Variants in OCIAD1 observed in about 807,000 individuals in gnomAD.
OCIAD1 encodes the protein OCIA domain containing 1.
A neutral mutation model predicts 38.9 loss-of-function variants in OCIAD1; 29 were observed. That is an observed-to-expected ratio of 0.74 (90% CI 0.55 to 1.02). The LOEUF (loss-of-function observed/expected upper bound fraction) is 1.02. OCIAD1 is among the 50% of genes least tolerant of loss of function. The pLI is 0.00. For missense variants in OCIAD1, 288 were observed against 289.6 expected, an observed-to-expected ratio of 0.99 and a Z score of 0.04; for synonymous variants, 110 against 92.0, an observed-to-expected ratio of 1.20 and a Z score of -1.12.
intron 3 of OCIAD1, among the ~76,000 whole-genome samples, chr4:48,841,066 T>G (rs1358627992): frequency 1.3e-5 from 2 of 152,150 alleles, no homozygotes; most frequent in African/African-American, 4.8e-5. Context: ...AAAGAATATT[T>G]CATTACGTGT....
At chr4:48,819,444 A>C (rs1040303588) in intron 1 of OCIAD1, among the ~76,000 whole-genome samples, 37 of 152,296 alleles carry the variant, frequency 2.4e-4, no homozygotes, top group African/African-American at 8.9e-4. Flanking sequence ...CTGCAAAAAC[A>C]ACCCAAAATA....
chr4:48,808,488 G>GA (rs942641464), intron 1 of OCIAD1, among the ~76,000 whole-genome samples: 74 of 146,648 alleles, frequency 5.0e-4, no homozygotes, highest in Non-Finnish European at 3.5e-4. Flanking sequence ...AAAAAACAAA[G>GA]AAAAAAAAAA....
chr4:48,835,071 C>G (rs537964587), intron 3 of OCIAD1, among the ~76,000 whole-genome samples: 6 of 152,072 alleles, frequency 3.9e-5, no homozygotes, highest in East Asian at 3.9e-4. Flanking sequence ...GTATCTGGGA[C>G]TACAGGCGTG....
At position 48,851,809 on chromosome 4, in the gene OCIAD1, C is replaced by G. The variant is rs1779502609; in HGVS notation, c.381C>G (p.His127Gln). ...GQARRSSPPG[H>Q]YYQKSKYDSS... ...ACAATATGATTTTCATTTACAGGCA[C>G]TATTATCAAAAGTCAAAATATGACT... is the stretch of plus-strand genomic sequence containing the variant. Residue 127 changes from histidine (H) to glutamine (Q), a missense_variant, in exon 7 of 9, where the codon CAC becomes CAG. Transcript: ENST00000264312. The G allele has an allele frequency of 5.7e-6, 9 of 1,589,624 alleles. No homozygotes were observed. Among genetic ancestry groups the G allele is most frequent in the Non-Finnish European group, 6.9e-6 (8 of 1,158,722 alleles).
chr4:48,810,066 A>G (rs559879334), intron 1 of OCIAD1, among the ~76,000 whole-genome samples: 62 of 152,296 alleles, frequency 4.1e-4, no homozygotes, highest in African/African-American at 1.4e-3. Flanking sequence ...AACTAAATGA[A>G]ATGATACATG....
chr4:48,834,159 A>AT (rs1038048613), intron 3 of OCIAD1, among the ~76,000 whole-genome samples: 3 of 151,416 alleles, frequency 2.0e-5, no homozygotes, highest in African/African-American at 7.3e-5. Context: ...AGGAGGATGA[A>AT]TTTTTTTTTG....
At chr4:48,807,928 C>T (rs13149083) in intron 1 of OCIAD1, among the ~76,000 whole-genome samples, 74,738 of 151,950 alleles carry the variant, frequency 0.49, 18,882 homozygotes, top group African/African-American at 0.59. Context: ...AGCCCCAGAT[C>T]GGCACTGTCA....
intron 1 of OCIAD1, 136 bp from the exon 2 acceptor site, chr4:48,832,484 A>C (rs1777595418): frequency 1.4e-6 from 1 of 695,194 alleles, no homozygotes; most frequent in Non-Finnish European, 2.6e-6. Context: ...AGTACGTAAG[A>C]TATAGTAGTG....
chr4:48,854,079 C>T (rs1055374744), intron 7 of OCIAD1, among the ~76,000 whole-genome samples: 2 of 152,196 alleles, frequency 1.3e-5, no homozygotes, highest in Non-Finnish European at 2.9e-5. Flanking sequence ...CCTTGTTCCT[C>T]ACTATGTCTC....
At chr4:48,821,571 A>C in intron 1 of OCIAD1, among the ~76,000 whole-genome samples, 1 of 152,328 alleles carries the variant, frequency 6.6e-6, no homozygotes, top group African/African-American at 2.4e-5. Flanking sequence ...GAAAGAAATA[A>C]ACGTATTTAA....
intron 1 of OCIAD1, among the ~76,000 whole-genome samples, chr4:48,810,717 C>T (rs1015165094): frequency 2.0e-5 from 3 of 151,754 alleles, no homozygotes; most frequent in Non-Finnish European, 4.4e-5. Flanking sequence ...TGGTGCTTAC[C>T]TAGAGAGAGA....
At chr4:48,819,716 CAAA>C (rs576081813) in intron 1 of OCIAD1, among the ~76,000 whole-genome samples, 139 of 10,390 alleles carry the variant, frequency 0.013, 1 homozygote, top group African/African-American at 0.047. Flanking sequence ...TTACCAAGCG[CAAA>C]AAAAAAAAAA....
chr4:48,831,011 T>A (rs1777427915), upstream of OCIAD1: 1 of 178,602 alleles, frequency 5.6e-6, no homozygotes, highest in African/African-American at 2.4e-5. Context: ...CCTAGGCTGC[T>A]GGCTCTCAGA....
chr4:48,812,592 C>T (rs928855557), intron 1 of OCIAD1, among the ~76,000 whole-genome samples: 7 of 151,938 alleles, frequency 4.6e-5, no homozygotes, highest in South Asian at 2.1e-4. Flanking sequence ...TAGAATAGGT[C>T]GCATAATACA....
At chr4:48,816,204 C>A (rs1352804883) in intron 1 of OCIAD1, among the ~76,000 whole-genome samples, 2 of 152,190 alleles carry the variant, frequency 1.3e-5, no homozygotes, top group African/African-American at 4.8e-5. Context: ...ACATTCTATG[C>A]CAATATGTCC....
At position 48,857,265 on chromosome 4, in the gene OCIAD1, G is replaced by A. The variant is rs371986529; in HGVS notation, c.600G>A (p.Glu200=). The change falls in exon 8 of 9, where the codon GAG becomes GAA. Residue 200 remains glutamate, a synonymous_variant. Coordinates refer to ENST00000264312, the MANE Select transcript of OCIAD1 (RefSeq NM_017830.4). ...CTAAAAGAAAAAATATTACATATGA[G>A]GAATTAAGGAATAAGAACAGAGAGT... ...ESPKRKNITY[E]ELRNKNRESY... 8.2e-6 allele frequency: 13 copies of A among 1,583,404 alleles called. No homozygotes were observed. In the African/African-American group the frequency reaches 1.2e-4, roughly 15 times the overall value.
chr4:48,845,008 T>C (rs1778856483), intron 4 of OCIAD1, among the ~76,000 whole-genome samples: 1 of 152,146 alleles, frequency 6.6e-6, no homozygotes, highest in African/African-American at 2.4e-5. Context: ...TTGCAGAACA[T>C]GTACATATGG....
At position 48,833,437 on chromosome 4, in the gene OCIAD1, GGA is replaced by G; in HGVS notation, c.99_100del (p.Arg33SerfsTer7). 6.2e-7 allele frequency: 1 copy of G among 1,607,920 alleles called. No homozygotes were observed. The highest frequency in any genetic ancestry group is 8.5e-7 in the Non-Finnish European group (1 of 1,174,884). ...GATTACATTCCAACAGAGGAAGAAA[GGA>G]GAGTCTTCGCAGAATGCAATGATGA... On this transcript the variant is annotated frameshift_variant, in exon 3 of 9. Transcript: ENST00000264312. LOFTEE classifies it high-confidence loss of function.
intron 1 of OCIAD1, among the ~76,000 whole-genome samples, chr4:48,811,269 C>T (rs1298438785): frequency 6.6e-6 from 1 of 152,194 alleles, no homozygotes; most frequent in Non-Finnish European, 1.5e-5. Flanking sequence ...TTTCACTTTA[C>T]TCTTAACACA....
Sources: gnomAD v4.1 joint callset for allele counts (sites outside exome capture counted in the v4.1 genomes callset) on GRCh38, gnomAD v4.1.1 for gene constraint, MANE v1.5 for transcripts, NCBI Gene and HGNC (gene_info 2026-07-23, HGNC 2026-07-21) for gene names.